DSCAML1: variants seen among roughly 807,000 people sequenced by gnomAD.
DSCAML1 encodes the protein DS cell adhesion molecule like 1, also known as cell adhesion molecule DSCAML1.
A neutral mutation model predicts 200.5 loss-of-function variants in DSCAML1; 38 were observed. The observed-to-expected ratio is 0.19, with a 90% CI of 0.15 to 0.25. DSCAML1 has a LOEUF of 0.25. Among genes scored for constraint, DSCAML1 ranks in the 10% least tolerant of loss-of-function variants. DSCAML1 has a pLI of 1.00. For missense variants in DSCAML1, 2,223 were observed against 2,858.8 expected (o/e 0.78, Z 5.07); for synonymous variants, 1,215 against 1,165.0 (o/e 1.04, Z -0.87).
chr11:117,649,234 C>T (rs762856974), intron 3 of DSCAML1, among the ~76,000 whole-genome samples: 69 of 152,064 alleles, frequency 4.5e-4, no homozygotes, highest in Non-Finnish European at 5.6e-4. Context: ...TGCACCCCCA[C>T]ACCAGGCTAA....
At chr11:117,808,402 C>T (rs897639029) in intron 1 of DSCAML1, among the ~76,000 whole-genome samples, 2 of 152,158 alleles carry the variant, frequency 1.3e-5, no homozygotes, top group African/African-American at 4.8e-5. Context: ...AGATAATAGG[C>T]GCATGCCCGA....
In DSCAML1 at chr11:117,624,557, G is replaced by A. The variant is rs200548965; in HGVS notation, c.512-92035C>T. Reference sequence around the variant, plus strand: ...TTTTTTATGGCTTGAGTATGGGTGAGATAGTCCTTTATTATGATAGGCACT... The same window carrying A: ...TTTTTTATGGCTTGAGTATGGGTGAAATAGTCCTTTATTATGATAGGCACT... On this transcript the variant is annotated intron_variant, in intron 3 of 32. Coordinates refer to ENST00000651296, the MANE Select transcript of DSCAML1 (RefSeq NM_020693.4). Among the ~76,000 whole-genome samples the A allele has an allele frequency of 3.9e-5, 6 of 152,196 alleles. No individual in the cohort carries two copies. The East Asian group carries it at 1.2e-3, about 29-fold the overall frequency.
chr11:117,654,616 G>C (rs2052697482), intron 3 of DSCAML1, among the ~76,000 whole-genome samples: 1 of 152,134 alleles, frequency 6.6e-6, no homozygotes. Context: ...TATTTAAATG[G>C]GCAAGATTTA....
chr11:117,631,459 A>C (rs1364676279), intron 3 of DSCAML1, among the ~76,000 whole-genome samples: 1 of 152,170 alleles, frequency 6.6e-6, no homozygotes, highest in African/African-American at 2.4e-5. Flanking sequence ...CACCCCAAAC[A>C]GTCTTCTTAG....
intron 3 of DSCAML1, among the ~76,000 whole-genome samples, chr11:117,594,489 T>C (rs2051323149): frequency 6.6e-6 from 1 of 152,226 alleles, no homozygotes; most frequent in African/African-American, 2.4e-5. Flanking sequence ...CACACCTGTG[T>C]GAGTCTCCCT....
chr11:117,721,379 T>G (rs1180795397), intron 3 of DSCAML1, among the ~76,000 whole-genome samples: 1 of 152,186 alleles, frequency 6.6e-6, no homozygotes, highest in Non-Finnish European at 1.5e-5. Flanking sequence ...ACTCTCCAGG[T>G]GCCAAGGGTA....
Position 117,540,972 on chromosome 11 carries a change from G to A in DSCAML1, c.512-8450C>T, listed in dbSNP as rs147864821. 8.6e-3 allele frequency among the ~76,000 whole-genome samples: 1,317 copies of A among 152,330 alleles called. 10 individuals are homozygous for A. The highest frequency in any genetic ancestry group is 0.031 in the Middle Eastern group (9 of 294). On this transcript the variant is annotated intron_variant, in intron 3 of 32. Coordinates refer to ENST00000651296, the MANE Select transcript of DSCAML1 (RefSeq NM_020693.4). ...GCGTAGGGGATTTCAGTCTTGAATAGAAGAAATAAACCAGACCATCCTTAA... is the reference window on the plus strand; with the variant it reads ...GCGTAGGGGATTTCAGTCTTGAATAAAAGAAATAAACCAGACCATCCTTAA...
In DSCAML1 at chr11:117,527,912, G is replaced by C. The variant is rs1295779157; in HGVS notation, c.659-2829C>G. On this transcript the variant is annotated intron_variant, in intron 4 of 32. Transcript: ENST00000651296. Reference sequence around the variant, plus strand: ...CCCGGGTTGGGAATCAGGCTCTCCAGGGGCAAGTTCTGCCTGGGTCACTGA... The same window carrying C: ...CCCGGGTTGGGAATCAGGCTCTCCACGGGCAAGTTCTGCCTGGGTCACTGA... Among the ~76,000 whole-genome samples the C allele has an allele frequency of 2.0e-5, 3 of 152,318 alleles. 1 individual carries two copies. In the East Asian group the frequency reaches 5.8e-4, roughly 30 times the overall value.
At chr11:117,533,505 G>A (rs1415254432) in intron 3 of DSCAML1, among the ~76,000 whole-genome samples, 1 of 152,174 alleles carries the variant, frequency 6.6e-6, no homozygotes, top group Non-Finnish European at 1.5e-5. Flanking sequence ...GGACAAGGAG[G>A]GGCAGATACA....
Position 117,518,022 on chromosome 11 carries a change from G to A in DSCAML1, c.1510+444C>T, listed in dbSNP as rs2049809323. Among the ~76,000 whole-genome samples, 1 of 152,202 alleles carries A rather than the reference G, an allele frequency of 6.6e-6. No individual in the cohort carries two copies. Among genetic ancestry groups the A allele is most frequent in the African/African-American group, 2.4e-5 (1 of 41,452 alleles). ...GGCTGGCTCAGTGGGAGGACAGAGGGAGCACAGCTTGGGTGGGCAACCATG... is the reference window on the plus strand; with the variant it reads ...GGCTGGCTCAGTGGGAGGACAGAGGAAGCACAGCTTGGGTGGGCAACCATG... On this transcript the variant is annotated intron_variant, in intron 7 of 32. Transcript: ENST00000651296. This position sits in a 1 kb window ranked among gnomAD's most constrained non-coding sequence, Gnocchi z 6.3.
intron 3 of DSCAML1, among the ~76,000 whole-genome samples, chr11:117,714,244 A>G (rs2053906607): frequency 6.6e-6 from 1 of 152,218 alleles, no homozygotes; most frequent in East Asian, 1.9e-4. Context: ...GAGACTATCT[A>G]TAGCTTCAGT....
chr11:117,604,551 G>A (rs924224553), intron 3 of DSCAML1, among the ~76,000 whole-genome samples: 3 of 152,150 alleles, frequency 2.0e-5, no homozygotes, highest in Admixed American at 6.5e-5. Flanking sequence ...ATTCTCTCTC[G>A]GCCGGCAGAG....
chr11:117,709,184 C>T (rs2053801945), intron 3 of DSCAML1, among the ~76,000 whole-genome samples: 1 of 152,202 alleles, frequency 6.6e-6, no homozygotes, highest in Non-Finnish European at 1.5e-5. Context: ...CATTAGCTAT[C>T]ATGAAACAAG....
intron 3 of DSCAML1, among the ~76,000 whole-genome samples, chr11:117,595,743 C>A (rs1050043399): frequency 1.3e-5 from 2 of 152,004 alleles, no homozygotes; most frequent in Non-Finnish European, 1.5e-5. Flanking sequence ...TGTGGGTCAC[C>A]CTGAGTTGGA....
At chr11:117,669,391 T>C (rs2053054428) in intron 3 of DSCAML1, among the ~76,000 whole-genome samples, 1 of 152,182 alleles carries the variant, frequency 6.6e-6, no homozygotes, top group Non-Finnish European at 1.5e-5. Flanking sequence ...ACCTTCAAGG[T>C]CCCCATCTGC....
At chr11:117,704,174 A>T (rs945660137) in intron 3 of DSCAML1, among the ~76,000 whole-genome samples, 2 of 151,714 alleles carry the variant, frequency 1.3e-5, no homozygotes, top group African/African-American at 4.8e-5. Flanking sequence ...GGAAGGAGGG[A>T]AGGACAGAAT....
chr11:117,505,451 C>T lies in DSCAML1; in HGVS notation c.2062+3G>A. 3.1e-6 allele frequency: 5 copies of T among 1,608,536 alleles called. No individual in the cohort carries two copies. The highest frequency in any genetic ancestry group is 2.7e-5 in the African/African-American group (2 of 75,020). ...CCCCTGAGGCTGGCCTGTCCCTGCT[C>T]ACCACGCACGATGAGCTGGCGCTCC... On this transcript the variant is annotated splice_donor_region_variant and intron_variant, in intron 9 of 32. Transcript: ENST00000651296. This position sits in a 1 kb window ranked among gnomAD's most constrained non-coding sequence, Gnocchi z 6.7.
intron 3 of DSCAML1, among the ~76,000 whole-genome samples, chr11:117,644,715 ACC>A (rs760366630): frequency 4.8e-4 from 73 of 150,838 alleles, no homozygotes; most frequent in Middle Eastern, 3.4e-3. Flanking sequence ...AGGGCAGGGG[ACC>A]CCCCCTCTGG....
Position 117,450,705 on chromosome 11 carries a change from C to T in DSCAML1, c.3569-17G>A. On this transcript the variant is annotated splice_polypyrimidine_tract_variant and intron_variant, in intron 19 of 32. Transcript: ENST00000651296. ...GACCTGGAACTGAGCAGGGAGAAGG[C>T]CTGGTCAGTTGAGAGAAAGCAGGAG... 1 of 1,611,358 alleles carries T rather than the reference C, an allele frequency of 6.2e-7. No individual in the cohort carries two copies. The highest frequency in any genetic ancestry group is 8.5e-7 in the Non-Finnish European group (1 of 1,178,896).
Sources: gnomAD v4.1 joint callset for allele counts (sites outside exome capture counted in the v4.1 genomes callset) on GRCh38, gnomAD v4.1.1 for gene constraint, Gnocchi (gnomAD v3.1) non-coding constraint, MANE v1.5 for transcripts, NCBI Gene and HGNC (gene_info 2026-07-23, HGNC 2026-07-21) for gene names.